PCDH9: variants seen among roughly 807,000 people sequenced by gnomAD.
PCDH9 encodes protocadherin 9.
In PCDH9, 24 loss-of-function variants were observed where a neutral mutation model predicts 70.6. That is an observed-to-expected ratio of 0.34 (90% confidence interval 0.25 to 0.48). PCDH9 has a LOEUF of 0.48. Among genes scored for constraint, PCDH9 ranks in the 20% least tolerant of loss-of-function variants. PCDH9 has a pLI of 0.99. For synonymous variants in PCDH9, 562 were observed against 558.5 expected (o/e 1.01, Z -0.09); for missense variants, 1,281 against 1,503.6 (o/e 0.85, Z 2.45).
intron 3 of PCDH9, chr13:66,825,132 T>A (rs2080795427): frequency 6.6e-6 from 1 of 151,760 alleles, no homozygotes; most frequent in African/African-American, 2.4e-5. Context: ...AAGAGAAAAG[T>A]GGTTCTAGAA....
At chr13:67,186,346 A>G (rs2088759328) in intron 2 of PCDH9, among the ~76,000 whole-genome samples, 1 of 152,200 alleles carries the variant, frequency 6.6e-6, no homozygotes, top group South Asian at 2.1e-4. Context: ...CATTTCAGGA[A>G]CCAAAAACGT....
intron 3 of PCDH9, among the ~76,000 whole-genome samples, chr13:66,813,950 G>A (rs532874366): frequency 2.0e-5 from 3 of 152,112 alleles, no homozygotes; most frequent in Non-Finnish European, 2.9e-5. Flanking sequence ...CAGCAAGAAA[G>A]AGTACAGCAA....
chr13:66,413,082 T>G, intron 4 of PCDH9, among the ~76,000 whole-genome samples: 1 of 152,336 alleles, frequency 6.6e-6, no homozygotes, highest in African/African-American at 2.4e-5. Flanking sequence ...CACGTTTGAC[T>G]TAAACTGTCA....
chr13:66,803,056 G>T (rs1298148041), intron 3 of PCDH9, among the ~76,000 whole-genome samples: 1 of 152,044 alleles, frequency 6.6e-6, no homozygotes, highest in African/African-American at 2.4e-5. Context: ...TTTACAAATA[G>T]AATCAACTCT....
intron 3 of PCDH9, among the ~76,000 whole-genome samples, chr13:66,713,441 T>G (rs1938098557): frequency 6.6e-6 from 1 of 151,340 alleles, no homozygotes; most frequent in Non-Finnish European, 1.5e-5. Context: ...TTCTTACTCA[T>G]TCTCTACTTC....
intron 3 of PCDH9, among the ~76,000 whole-genome samples, chr13:66,859,888 G>A (rs2081453864): frequency 6.6e-6 from 1 of 152,042 alleles, no homozygotes; most frequent in East Asian, 1.9e-4. Flanking sequence ...TGTAACCTAA[G>A]AAAGCACAAG....
intron 4 of PCDH9, among the ~76,000 whole-genome samples, chr13:66,482,246 A>G (rs1370982877): frequency 1.3e-5 from 2 of 152,224 alleles, no homozygotes; most frequent in Admixed American, 1.3e-4. Context: ...CTCAAGAGCC[A>G]GTCGCTTTCT....
chr13:67,140,568 G>A (rs555566341), intron 2 of PCDH9, among the ~76,000 whole-genome samples: 127 of 152,176 alleles, frequency 8.3e-4, no homozygotes, highest in Non-Finnish European at 8.8e-4. Flanking sequence ...ATTACCTTCA[G>A]TGCTTTATAG....
At chr13:67,194,832 T>A (rs2089016679) in intron 2 of PCDH9, among the ~76,000 whole-genome samples, 1 of 152,038 alleles carries the variant, frequency 6.6e-6, no homozygotes, top group Non-Finnish European at 1.5e-5. Context: ...GCAGTTAGAG[T>A]AGATGTCGAA....
At chr13:66,711,373 T>C (rs75907094) in intron 3 of PCDH9, among the ~76,000 whole-genome samples, 2,556 of 149,070 alleles carry the variant, frequency 0.017, 83 homozygotes, top group African/African-American at 0.059. Flanking sequence ...TCTATATGTA[T>C]TGACGAAGAA....
chr13:66,497,463 T>G (rs1594068094), intron 4 of PCDH9, among the ~76,000 whole-genome samples: 1 of 152,192 alleles, frequency 6.6e-6, no homozygotes, highest in East Asian at 1.9e-4. Flanking sequence ...TGTAGTTGGA[T>G]ATAATTTCAG....
chr13:66,616,484 C>CTTTTTT (rs60587237), intron 4 of PCDH9, among the ~76,000 whole-genome samples: 123 of 116,676 alleles, frequency 1.1e-3, no homozygotes, highest in South Asian at 2.1e-3. Context: ...TTCTAAAATT[C>CTTTTTT]TTTTTTTTTT....
intron 3 of PCDH9, among the ~76,000 whole-genome samples, chr13:66,853,648 G>C (rs762847782): frequency 5.3e-5 from 8 of 152,078 alleles, no homozygotes; most frequent in Non-Finnish European, 1.0e-4. Context: ...TAGAGGGGCT[G>C]GTTTAGGACA....
At chr13:66,787,248 CT>C (rs912205987) in intron 3 of PCDH9, among the ~76,000 whole-genome samples, 1 of 152,138 alleles carries the variant, frequency 6.6e-6, no homozygotes, top group Non-Finnish European at 1.5e-5. Flanking sequence ...GAACACAGCA[CT>C]TTTTATATGT....
At chr13:66,875,414 A>T (rs1425697152) in intron 3 of PCDH9, among the ~76,000 whole-genome samples, 1 of 152,198 alleles carries the variant, frequency 6.6e-6, no homozygotes, top group Admixed American at 6.6e-5. Flanking sequence ...TGTGGTAGGA[A>T]ATTGTGCATC....
At chr13:66,753,096 T>C (rs894574533) in intron 3 of PCDH9, among the ~76,000 whole-genome samples, 1 of 152,164 alleles carries the variant, frequency 6.6e-6, no homozygotes, top group Admixed American at 6.6e-5. Flanking sequence ...GTTAGGTAAA[T>C]CCTTCATAGC....
intron 2 of PCDH9, among the ~76,000 whole-genome samples, chr13:66,935,561 T>C (rs2082902635): frequency 1.3e-5 from 2 of 152,184 alleles, no homozygotes; most frequent in South Asian, 2.1e-4. Flanking sequence ...CTATTAATTC[T>C]AGTGCAATAA....
intron 3 of PCDH9, among the ~76,000 whole-genome samples, chr13:66,808,890 T>C (rs987960504): frequency 1.4e-4 from 21 of 152,204 alleles, no homozygotes; most frequent in Admixed American, 2.0e-4. Context: ...GATTTGTATG[T>C]ACATTATATT....
intron 2 of PCDH9, among the ~76,000 whole-genome samples, chr13:67,072,669 G>A (rs1009494504): frequency 3.3e-5 from 5 of 152,028 alleles, no homozygotes; most frequent in African/African-American, 1.2e-4. Context: ...GACAGTGGAG[G>A]GTGAAGTTCT....
Sources: gnomAD v4.1 joint callset for allele counts (sites outside exome capture counted in the v4.1 genomes callset) on GRCh38, gnomAD v4.1.1 for gene constraint, MANE v1.5 for transcripts, NCBI Gene and HGNC (gene_info 2026-07-23, HGNC 2026-07-21) for gene names.